The following AGBL1 variants were observed in gnomAD, a reference collection of about 807,000 sequenced individuals.
AGBL1 encodes AGBL carboxypeptidase 1.
A neutral mutation model predicts 118.9 loss-of-function variants in AGBL1; 130 were observed. That is an observed-to-expected ratio of 1.09 (90% CI 0.95 to 1.26). The LOEUF (loss-of-function observed/expected upper bound fraction) is 1.26, where lower values mean the gene tolerates loss of function less well. AGBL1 is among the 50% of genes most tolerant of loss of function. The pLI is 0.00. For missense variants in AGBL1, 1,584 were observed against 1,298.1 expected (o/e 1.22, Z -3.38); for synonymous variants, 555 against 478.9 (o/e 1.16, Z -2.08).
At chr15:86,713,228 G>T (rs2086588002) in intron 22 of AGBL1, among the ~76,000 whole-genome samples, 1 of 152,118 alleles carries the variant, frequency 6.6e-6, no homozygotes, top group African/African-American at 2.4e-5. Context: ...TTTGGGGAAG[G>T]ACAAAGATAG....
At chr15:86,562,103 G>C (rs2083832366) in intron 21 of AGBL1, among the ~76,000 whole-genome samples, 1 of 152,216 alleles carries the variant, frequency 6.6e-6, no homozygotes, top group South Asian at 2.1e-4. Context: ...TCTGCAAACA[G>C]GGACAATTTG....
At chr15:86,942,993 C>T (rs1359438349) in intron 23 of AGBL1, among the ~76,000 whole-genome samples, 1 of 152,208 alleles carries the variant, frequency 6.6e-6, no homozygotes, top group Non-Finnish European at 1.5e-5. Flanking sequence ...CTTAGCCTCA[C>T]TGTTAACTGC....
chr15:86,677,266 C>T (rs1453003252), intron 22 of AGBL1, among the ~76,000 whole-genome samples: 2 of 152,148 alleles, frequency 1.3e-5, no homozygotes, highest in African/African-American at 4.8e-5. Context: ...GGATGTTTGC[C>T]TGGTGGCTGA....
At chr15:86,806,683 G>T (rs2078717899) in intron 22 of AGBL1, among the ~76,000 whole-genome samples, 1 of 151,806 alleles carries the variant, frequency 6.6e-6, no homozygotes, top group South Asian at 2.1e-4. Context: ...AAGGTAAATT[G>T]AATTAATTTA....
intron 1 of AGBL1, among the ~76,000 whole-genome samples, chr15:86,126,839 A>T (rs1401739355): frequency 6.6e-6 from 1 of 152,238 alleles, no homozygotes; most frequent in African/African-American, 2.4e-5. Context: ...ACAAATTTTC[A>T]TTGCAGCTGG....
chr15:86,804,720 T>C (rs1177306753), intron 22 of AGBL1, among the ~76,000 whole-genome samples: 1 of 152,086 alleles, frequency 6.6e-6, no homozygotes, highest in African/African-American at 2.4e-5. Context: ...GAAGGTATAA[T>C]GAGGGATGGG....
chr15:86,370,536 C>G (rs1254723705), intron 17 of AGBL1, among the ~76,000 whole-genome samples: 1 of 152,080 alleles, frequency 6.6e-6, no homozygotes, highest in African/African-American at 2.4e-5. Flanking sequence ...CTCAGGTGAT[C>G]CACCCACCTC....
At position 86,719,423 on chromosome 15, in the gene AGBL1, A is replaced by G. The variant is rs866063335; in HGVS notation, c.3158+44987A>G. On this transcript the variant is annotated intron_variant, in intron 22 of 22. Coordinates refer to ENST00000614907, the MANE Select transcript of AGBL1 (RefSeq NM_001386094.1). Reference sequence around the variant, plus strand: ...AGAAAACATCCACTAATCTAAAAAGAAAAAGAAAAAGACACAGCATCCTTA... The same window carrying G: ...AGAAAACATCCACTAATCTAAAAAGGAAAAGAAAAAGACACAGCATCCTTA... Among the ~76,000 whole-genome samples, 9 of 152,340 alleles carry G rather than the reference A, an allele frequency of 5.9e-5. No homozygotes were observed. The Middle Eastern group carries it at 0.01, about 173-fold the overall frequency.
chr15:86,499,841 G>C (rs1002733485), intron 18 of AGBL1, among the ~76,000 whole-genome samples: 3 of 151,908 alleles, frequency 2.0e-5, no homozygotes, highest in South Asian at 2.1e-4. Flanking sequence ...TTTCAAGTGA[G>C]CAGCAGAAAC....
chr15:86,533,409 G>A (rs1410887667), intron 19 of AGBL1, among the ~76,000 whole-genome samples: 1 of 104,048 alleles, frequency 9.6e-6, no homozygotes, highest in Non-Finnish European at 1.9e-5. Context: ...AAACCACTAT[G>A]AGATACCATC....
intron 1 of AGBL1, among the ~76,000 whole-genome samples, chr15:86,117,165 T>C (rs184528126): frequency 9.2e-5 from 14 of 152,198 alleles, no homozygotes; most frequent in Admixed American, 6.5e-4. Flanking sequence ...TCCACACTCA[T>C]GGCTCTGGTT....
intron 21 of AGBL1, among the ~76,000 whole-genome samples, 167 bp downstream of exon 21, chr15:86,554,704 A>T (rs924085568): frequency 2.0e-5 from 3 of 152,098 alleles, no homozygotes; most frequent in Non-Finnish European, 4.4e-5. Context: ...CACCTGCAGG[A>T]TCATCTATCT....
chr15:86,636,051 C>A (rs2085076675), intron 21 of AGBL1, among the ~76,000 whole-genome samples: 3 of 152,098 alleles, frequency 2.0e-5, no homozygotes, highest in African/African-American at 7.2e-5. Flanking sequence ...AAATAGATCC[C>A]TAAATCATCT....
At chr15:86,351,255 A>T (rs1178617074) in intron 17 of AGBL1, among the ~76,000 whole-genome samples, 1 of 152,156 alleles carries the variant, frequency 6.6e-6, no homozygotes, top group Non-Finnish European at 1.5e-5. Flanking sequence ...AAGGGGGCTG[A>T]ATTTGTCCTT....
chr15:86,218,610 A>G (rs568212519), intron 5 of AGBL1, among the ~76,000 whole-genome samples: 4 of 152,324 alleles, frequency 2.6e-5, no homozygotes, highest in African/African-American at 9.6e-5. Flanking sequence ...TAATTGTGTT[A>G]TAAGAGGTCA....
rs200099325 is a variant in AGBL1, at chr15:86,396,262, T to C, written c.2375-1104T>C. ...GTGTGTGTATATATATATATATATATACACACACACGTCAGTAAATGAATC... is the reference window on the plus strand; with the variant it reads ...GTGTGTGTATATATATATATATATACACACACACACGTCAGTAAATGAATC... On this transcript the variant is annotated intron_variant, in intron 17 of 22. Coordinates refer to ENST00000614907, the MANE Select transcript of AGBL1 (RefSeq NM_001386094.1). Among the ~76,000 whole-genome samples the C allele has an allele frequency of 6.4e-3, 882 of 137,040 alleles. 7 individuals carry two copies. The highest frequency in any genetic ancestry group is 0.019 in the Middle Eastern group (5 of 270). The allele number at this position is 137,040 out of a possible 152,430, so 89.9% of individuals were successfully genotyped here.
At chr15:86,416,849 A>G (rs144551326) in intron 18 of AGBL1, among the ~76,000 whole-genome samples, 2 of 152,216 alleles carry the variant, frequency 1.3e-5, no homozygotes, top group Non-Finnish European at 1.5e-5. Context: ...TAGCAATTCG[A>G]TGCTATGTAA....
At chr15:86,682,649 A>G (rs963203268) in intron 22 of AGBL1, among the ~76,000 whole-genome samples, 2 of 152,176 alleles carry the variant, frequency 1.3e-5, no homozygotes, top group Non-Finnish European at 2.9e-5. Context: ...ATATTTATAT[A>G]AATAGTACTT....
chr15:87,023,920 A>G (rs138723254), intron 24 of AGBL1, among the ~76,000 whole-genome samples: 10 of 152,226 alleles, frequency 6.6e-5, no homozygotes, highest in Admixed American at 4.6e-4. Flanking sequence ...GAAAATTAAA[A>G]AATTCTTTGA....
Sources: gnomAD v4.1 joint callset for allele counts (sites outside exome capture counted in the v4.1 genomes callset) on GRCh38, gnomAD v4.1.1 for gene constraint, MANE v1.5 for transcripts, NCBI Gene and HGNC (gene_info 2026-07-23, HGNC 2026-07-21) for gene names.